SYNE1: variants seen among roughly 807,000 people sequenced by gnomAD.
SYNE1 encodes nesprin-1.
In SYNE1, 616 loss-of-function variants were observed where a neutral mutation model predicts 1,111.0. That is an observed-to-expected ratio of 0.55 (90% CI 0.52 to 0.59). The LOEUF (loss-of-function observed/expected upper bound fraction) is 0.59, where lower values mean the gene tolerates loss of function less well. Ranked by LOEUF, SYNE1 falls within the 20% of genes least tolerant of loss-of-function variation. The pLI, the probability that SYNE1 is intolerant of heterozygous loss-of-function variation, is 0.00. For synonymous variants in SYNE1, 3,855 were observed against 3,825.8 expected, an observed-to-expected ratio of 1.01 and a Z score of -0.28; for missense variants, 10,006 against 10,417.0, an observed-to-expected ratio of 0.96 and a Z score of 1.72.
At chr6:152,297,862 ACTC>A (rs1433578258) in intron 93 of SYNE1, among the ~76,000 whole-genome samples, 1 of 150,502 alleles carries the variant, frequency 6.6e-6, no homozygotes, top group Non-Finnish European at 1.5e-5. Flanking sequence ...ATGAATGACA[ACTC>A]CTGGTTTCTT....
intron 3 of SYNE1, among the ~76,000 whole-genome samples, chr6:152,627,851 G>A (rs7744697): frequency 0.68 from 102,770 of 151,918 alleles, 34,848 homozygotes; most frequent in Non-Finnish European, 0.71. Context: ...GTTGGGAAAT[G>A]CCACTGGTTC....
intron 77 of SYNE1, 82 bp from the exon 78 acceptor site, chr6:152,331,972 C>T (rs2096257635): frequency 6.3e-7 from 1 of 1,581,556 alleles, no homozygotes; most frequent in Non-Finnish European, 8.6e-7. Context: ...AATTACACTT[C>T]ACCATTTTCT....
At chr6:152,186,337 A>G (rs1158092943) in intron 128 of SYNE1, among the ~76,000 whole-genome samples, 1 of 152,058 alleles carries the variant, frequency 6.6e-6, no homozygotes, top group African/African-American at 2.4e-5. Flanking sequence ...TGGGCAGATC[A>G]CCTGGGGTCG....
chr6:152,561,657 T>G (rs2099395672), intron 3 of SYNE1, among the ~76,000 whole-genome samples: 1 of 152,122 alleles, frequency 6.6e-6, no homozygotes, highest in Non-Finnish European at 1.5e-5. Context: ...TTTCCTGATT[T>G]TAAATTATAT....
intron 45 of SYNE1, among the ~76,000 whole-genome samples, chr6:152,405,141 A>G (rs1200986324): frequency 6.6e-6 from 1 of 152,230 alleles, no homozygotes; most frequent in Non-Finnish European, 1.5e-5. Context: ...TGCAGCGGGA[A>G]TGGCCCTGTG....
At chr6:152,221,952 C>A (rs746025312) in intron 117 of SYNE1, among the ~76,000 whole-genome samples, 3 of 152,164 alleles carry the variant, frequency 2.0e-5, no homozygotes, top group Non-Finnish European at 4.4e-5. Context: ...TTGTTTCTGG[C>A]CTGTGAGCAG....
At chr6:152,477,774 A>G (rs1233029460) in intron 14 of SYNE1, among the ~76,000 whole-genome samples, 1 of 152,146 alleles carries the variant, frequency 6.6e-6, no homozygotes, top group Non-Finnish European at 1.5e-5. Flanking sequence ...AAGAATAGGG[A>G]AGACCAGAAA....
Position 152,208,187 on chromosome 6 carries a change from A to G in SYNE1, c.22609T>C (p.Leu7537=). 1 of 1,613,950 alleles carries G rather than the reference A, an allele frequency of 6.2e-7. No homozygotes were observed. Among genetic ancestry groups the G allele is most frequent in the Non-Finnish European group, 8.5e-7 (1 of 1,179,998 alleles). Reference sequence around the variant, plus strand: ...TGCCATTGATTACTGAGGAGTGTCAATTTCAGGTTGAATTCATCCCTAGTG... The same window carrying G: ...TGCCATTGATTACTGAGGAGTGTCAGTTTCAGGTTGAATTCATCCCTAGTG... ...VDDRDEFNLK[L]TLLSNQWQGV... is the part of the protein sequence containing the mutation. The change falls in exon 125 of 146, where the codon TTG becomes CTG. Residue 7537 remains leucine (L), a synonymous_variant. Coordinates refer to ENST00000367255, the MANE Select transcript of SYNE1 (RefSeq NM_182961.4).
intron 4 of SYNE1, among the ~76,000 whole-genome samples, chr6:152,536,275 C>A (rs940603076): frequency 3.4e-5 from 5 of 148,318 alleles, no homozygotes; most frequent in Admixed American, 2.8e-4. Context: ...CTCATGACCA[C>A]CCTTTATTAA....
At chr6:152,169,325 G>A (rs1002876631) in intron 130 of SYNE1, among the ~76,000 whole-genome samples, 1 of 151,958 alleles carries the variant, frequency 6.6e-6, no homozygotes, top group South Asian at 2.1e-4. Context: ...CACTTTGGGA[G>A]GCTGAGGTTG....
chr6:152,351,140 A>G (rs1256382017), intron 70 of SYNE1, among the ~76,000 whole-genome samples: 3 of 152,272 alleles, frequency 2.0e-5, no homozygotes, highest in African/African-American at 4.8e-5. Flanking sequence ...AGTTAGTTCC[A>G]GTTTGAGCTA....
In SYNE1 at chr6:152,364,870, C is replaced by T; in HGVS notation, c.10122G>A (p.Leu3374=). 1 of 1,614,160 alleles carries T rather than the reference C, an allele frequency of 6.2e-7. No individual in the cohort carries two copies. The highest frequency in any genetic ancestry group is 2.2e-5 in the East Asian group (1 of 44,878). ...ACCTTTTACAACGAATCCCTGCAGA[C>T]AAAAGGGATGCCCACATATCCTTCA... ...QSVKDMWASL[L]SAGIRCKSQL... The change falls in exon 63 of 146, where the codon TTG becomes TTA. Residue 3374 remains leucine, a synonymous_variant. Transcript: ENST00000367255.
chr6:152,200,190 G>A (rs1028082970), intron 127 of SYNE1, among the ~76,000 whole-genome samples: 1 of 152,086 alleles, frequency 6.6e-6, no homozygotes, highest in Non-Finnish European at 1.5e-5. Context: ...AGTCAGTGTG[G>A]CAAAAATATA....
At chr6:152,123,452 T>C (rs2052170690) in intron 145 of SYNE1, among the ~76,000 whole-genome samples, 3 of 152,220 alleles carry the variant, frequency 2.0e-5, no homozygotes, top group Admixed American at 2.0e-4. Flanking sequence ...TGACAAGTTT[T>C]TCTATTTCAC....
At chr6:152,409,439 C>T in intron 43 of SYNE1, 120 bp downstream of exon 43, 1 of 1,389,078 alleles carries the variant, frequency 7.2e-7, no homozygotes. Context: ...AAGTTGAGCT[C>T]ATTAGCATGA....
intron 3 of SYNE1, among the ~76,000 whole-genome samples, chr6:152,625,585 T>A (rs567379695): frequency 1.2e-3 from 190 of 152,322 alleles, no homozygotes; most frequent in African/African-American, 4.3e-3. Flanking sequence ...CTTCTGAATT[T>A]TCAGGCTTAC....
Position 152,136,643 on chromosome 6 carries a change from A to C in SYNE1, c.25634T>G (p.Leu8545Arg), listed in dbSNP as rs549772725. 28 of 1,613,740 alleles carry C rather than the reference A, an allele frequency of 1.7e-5. No homozygotes were observed. The South Asian group carries it at 3.0e-4, about 17-fold the overall frequency. ...CTGGCACTGCATCAGGGCATCCTGC[A>C]GCAGGCCCCGCCACTCCTCCAGCAG... is the stretch of plus-strand genomic sequence containing the variant. ...CSLLEEWRGLLQDALMQCQGF... is the reference protein window; with the variant it reads ...CSLLEEWRGLRQDALMQCQGF... Residue 8545 changes from leucine (L) to arginine (R), a missense_variant, in exon 141 of 146, where the codon CTG becomes CGG. This residue lies in a region of SYNE1 where 761 missense variants were observed against 795.5 expected (regional missense o/e 0.96). Transcript: ENST00000367255.
intron 130 of SYNE1, among the ~76,000 whole-genome samples, chr6:152,170,934 G>A (rs955385367): frequency 5.3e-5 from 8 of 152,132 alleles, no homozygotes; most frequent in African/African-American, 1.9e-4. Flanking sequence ...TCTTGTGGTA[G>A]CGAATAAATC....
chr6:152,633,947 T>C lies in SYNE1; in HGVS notation c.-224+2691A>G, dbSNP rs149244002. On this transcript the variant is annotated intron_variant, in intron 2 of 145. Coordinates refer to ENST00000367255, the MANE Select transcript of SYNE1 (RefSeq NM_182961.4). ...ACTCTTCTTAGGAATTTGGACTACCTGCTATTTGGGATGCTCCCAGTTGAA... is the reference window on the plus strand; with the variant it reads ...ACTCTTCTTAGGAATTTGGACTACCCGCTATTTGGGATGCTCCCAGTTGAA... Among the ~76,000 whole-genome samples, 759 of 151,650 alleles carry C rather than the reference T, an allele frequency of 5.0e-3. 2 individuals are homozygous for C. The highest frequency in any genetic ancestry group is 0.017 in the African/African-American group (716 of 41,232).
Sources: gnomAD v4.1 joint callset for allele counts (sites outside exome capture counted in the v4.1 genomes callset) on GRCh38, gnomAD v4.1.1 for gene constraint, gnomAD v4.1.1 regional missense constraint, MANE v1.5 for transcripts, NCBI Gene and HGNC (gene_info 2026-07-23, HGNC 2026-07-21) for gene names.